CWC22: variants seen among roughly 807,000 people sequenced by gnomAD.
The protein encoded by CWC22 is pre-mRNA-splicing factor CWC22 homolog.
CWC22 carries 53 observed loss-of-function variants against 117.2 expected under a neutral mutation model. The ratio of observed to expected loss-of-function variants is 0.45; its 90% CI spans 0.36 to 0.57. CWC22 has a LOEUF of 0.57. CWC22 is among the 20% of genes least tolerant of loss of function. The pLI, the probability that CWC22 is intolerant of heterozygous loss-of-function variation, is 0.00. For missense variants in CWC22, 980 were observed against 1,068.8 expected (o/e 0.92, Z 1.16); for synonymous variants, 360 against 355.6 (o/e 1.01, Z -0.14).
At chr2:179,948,995 C>T (rs1360160658) in intron 19 of CWC22, among the ~76,000 whole-genome samples, 1 of 152,168 alleles carries the variant, frequency 6.6e-6, no homozygotes, top group East Asian at 1.9e-4. Flanking sequence ...ATTCTCTGTA[C>T]TGTTTTTGCA....
chr2:179,962,326 T>C (rs934519451), intron 13 of CWC22, among the ~76,000 whole-genome samples: 16 of 152,174 alleles, frequency 1.1e-4, no homozygotes, highest in African/African-American at 3.4e-4. Context: ...GTGGACTGTT[T>C]AAGATGCCCT....
At chr2:179,996,681 G>A (rs1183113500) in intron 1 of CWC22, among the ~76,000 whole-genome samples, 20 of 151,986 alleles carry the variant, frequency 1.3e-4, no homozygotes, top group Admixed American at 1.2e-3. Context: ...GAAAAAAAAG[G>A]AGTATAAATG....
At chr2:179,945,947 A>G (rs1489950792) in intron 19 of CWC22, among the ~76,000 whole-genome samples, 1 of 152,064 alleles carries the variant, frequency 6.6e-6, no homozygotes, top group African/African-American at 2.4e-5. Flanking sequence ...CAGTGGCGCA[A>G]TCTCGGCTCA....
At chr2:179,989,311 G>A (rs1036094560) in intron 2 of CWC22, among the ~76,000 whole-genome samples, 5 of 151,792 alleles carry the variant, frequency 3.3e-5, no homozygotes, top group African/African-American at 1.2e-4. Flanking sequence ...AGGCTGGAGT[G>A]CAGTGGCATG....
At chr2:179,959,601 A>G (rs1467240166) in intron 13 of CWC22, among the ~76,000 whole-genome samples, 1 of 152,136 alleles carries the variant, frequency 6.6e-6, no homozygotes, top group African/African-American at 2.4e-5. Flanking sequence ...ACAAAAACCT[A>G]GATGGTACAA....
chr2:179,968,842 A>C (rs1285692805), intron 11 of CWC22, among the ~76,000 whole-genome samples: 5 of 152,180 alleles, frequency 3.3e-5, no homozygotes, highest in African/African-American at 1.2e-4. Context: ...CTGGAATTAC[A>C]GGCATGAGCC....
At chr2:179,989,553 C>G (rs931575743) in intron 2 of CWC22, among the ~76,000 whole-genome samples, 1 of 152,076 alleles carries the variant, frequency 6.6e-6, no homozygotes, top group African/African-American at 2.4e-5. Context: ...TCTAGGGACT[C>G]GAACAACATT....
chr2:179,991,578 T>C (rs1687568972), intron 2 of CWC22, among the ~76,000 whole-genome samples: 1 of 152,032 alleles, frequency 6.6e-6, no homozygotes, highest in African/African-American at 2.4e-5. Flanking sequence ...GAGGGAAGCG[T>C]GGAGAAGCAG....
rs372504227 is a variant in CWC22, at chr2:179,954,309, A to C, written c.1585T>G (p.Phe529Val). Residue 529 changes from phenylalanine to valine, a missense_variant, in exon 16 of 20, where the codon TTC becomes GTC. This residue lies in a region of CWC22 where 115 missense variants were observed against 169.8 expected (regional missense o/e 0.68). Transcript: ENST00000410053. ...TGGATGGTATCATACTGTTCTTTGA[A>C]TATACCTTCAAAGGATTCCATGTAC... ...KEYMESFEGI[F>V]KEQYDTIHRL... is the part of the protein sequence containing the mutation. 1.5e-5 allele frequency: 24 copies of C among 1,607,114 alleles called. No individual in the cohort carries two copies. Among genetic ancestry groups the C allele is most frequent in the Non-Finnish European group, 1.7e-5 (20 of 1,174,902 alleles).
intron 11 of CWC22, among the ~76,000 whole-genome samples, chr2:179,969,099 G>C: frequency 6.6e-6 from 1 of 152,106 alleles, no homozygotes; most frequent in Admixed American, 6.5e-5. Flanking sequence ...ATAAAAGAAA[G>C]TACTACTTTC....
intron 19 of CWC22, among the ~76,000 whole-genome samples, chr2:179,946,053 T>C (rs1686285660): frequency 6.6e-6 from 1 of 152,154 alleles, no homozygotes; most frequent in East Asian, 1.9e-4. Flanking sequence ...TGGCTAATTT[T>C]CGTATTTTTA....
At chr2:179,979,898 A>C (rs767114536) in intron 5 of CWC22, among the ~76,000 whole-genome samples, 5 of 152,220 alleles carry the variant, frequency 3.3e-5, no homozygotes, top group Admixed American at 6.5e-5. Context: ...CTAATTAGGA[A>C]GCCCACAATT....
chr2:179,999,432 T>C (rs951243529), intron 1 of CWC22, among the ~76,000 whole-genome samples: 1 of 152,112 alleles, frequency 6.6e-6, no homozygotes, highest in African/African-American at 2.4e-5. Context: ...GAGAGCACTA[T>C]TAAAAAAAAG....
intron 1 of CWC22, among the ~76,000 whole-genome samples, chr2:180,000,319 C>T (rs186494964): frequency 1.3e-5 from 2 of 152,290 alleles, no homozygotes; most frequent in East Asian, 3.9e-4. Flanking sequence ...GTTCTAAAAT[C>T]TGTAAAGCTC....
At chr2:179,999,234 C>T (rs531499412) in intron 1 of CWC22, among the ~76,000 whole-genome samples, 9 of 152,236 alleles carry the variant, frequency 5.9e-5, no homozygotes, top group South Asian at 2.1e-4. Flanking sequence ...TTACACTAAT[C>T]GGAAATTCCT....
At position 179,965,886 on chromosome 2, in the gene CWC22, T is replaced by G. The variant is rs1368856995; in HGVS notation, c.1307A>C (p.Asp436Ala). 6.6e-7 allele frequency: 1 copy of G among 1,523,310 alleles called. No individual in the cohort carries two copies. The highest frequency in any genetic ancestry group is 1.7e-5 in the Admixed American group (1 of 59,838). The allele number at this position is 1,523,310 out of a possible 1,614,324, so 94.4% of individuals were successfully genotyped here. ...EEEEEEEGEE[D>A]EEGQKVTIHD... ...ATATGCTACATGTTTACCTTCTTCA[T>G]CTTCTTCTCCCTCTTCCTCTTCTTC... Residue 436 changes from aspartate (D) to alanine (A), a missense_variant, in exon 12 of 20, where the codon GAT becomes GCT. Transcript: ENST00000410053.
Position 179,962,523 on chromosome 2 carries a change from CTT to C in CWC22, c.1397+2022_1397+2023del, listed in dbSNP as rs528728569. 4.3e-3 allele frequency among the ~76,000 whole-genome samples: 648 copies of C among 152,232 alleles called. 5 individuals are homozygous for C. Among genetic ancestry groups the C allele is most frequent in the African/African-American group, 0.014 (601 of 41,558 alleles). On this transcript the variant is annotated intron_variant, in intron 13 of 19. Coordinates refer to ENST00000410053, the MANE Select transcript of CWC22 (RefSeq NM_020943.3). ...ATATAGTTATATAGTTTTTATCTGA[CTT>C]AATATTACATCACACTGTTTGCTCA...
intron 2 of CWC22, 82 bp from the exon 3 acceptor site, chr2:179,988,726 G>A (rs1687483955): frequency 3.0e-6 from 2 of 675,748 alleles, no homozygotes; most frequent in Non-Finnish European, 2.5e-6. Context: ...TTAGAAAGTT[G>A]GAAGTACTTT....
rs114328070 is a variant in CWC22, at chr2:179,944,895, T to C, written c.*234A>G. Reference sequence around the variant, plus strand: ...AATCAATGAGCTTTTGATCATTTTATTCACAAAATATAAGCGAGACTTACA... The same window carrying C: ...AATCAATGAGCTTTTGATCATTTTACTCACAAAATATAAGCGAGACTTACA... On this transcript the variant is annotated 3_prime_UTR_variant, in exon 20 of 20. Transcript: ENST00000410053. The C allele has an allele frequency of 2.8e-6, 1 of 357,906 alleles. No homozygotes were observed. The highest frequency in any genetic ancestry group is 2.1e-5 in the African/African-American group (1 of 47,632). 22.2% of individuals were successfully genotyped at this position (357,906 alleles called of 1,614,324 possible).
Sources: gnomAD v4.1 joint callset for allele counts (sites outside exome capture counted in the v4.1 genomes callset) on GRCh38, gnomAD v4.1.1 for gene constraint, gnomAD v4.1.1 regional missense constraint, MANE v1.5 for transcripts, NCBI Gene and HGNC (gene_info 2026-07-23, HGNC 2026-07-21) for gene names.